The following MACROD1 variants were observed in gnomAD, a reference collection of about 807,000 sequenced individuals.
MACROD1 encodes the protein mono-ADP ribosylhydrolase 1.
MACROD1 carries 31 observed loss-of-function variants against 41.4 expected under a neutral mutation model. The observed-to-expected ratio is 0.75, with a 90% CI of 0.56 to 1.01. The LOEUF is 1.01. Among genes scored for constraint, MACROD1 ranks in the 50% least tolerant of loss-of-function variants. MACROD1 has a pLI of 0.00. For synonymous variants in MACROD1, 252 were observed against 203.4 expected (o/e 1.24, Z -2.03); for missense variants, 473 against 460.0 (o/e 1.03, Z -0.26).
Position 64,157,887 on chromosome 11 carries a change from G to A in MACROD1, c.299-5494C>T, listed in dbSNP as rs568572496. Reference sequence around the variant, plus strand: ...GGTGGCAGGGGCATTAATCACCTGCGCTCACCGGCCCGCAAGAACAGGGTC... The same window carrying A: ...GGTGGCAGGGGCATTAATCACCTGCACTCACCGGCCCGCAAGAACAGGGTC... On this transcript the variant is annotated intron_variant, in intron 1 of 10. Transcript: ENST00000255681. Among the ~76,000 whole-genome samples, 10 of 152,278 alleles carry A rather than the reference G, an allele frequency of 6.6e-5. No individual in the cohort carries two copies. In the East Asian group the frequency reaches 1.4e-3, roughly 21 times the overall value.
At position 64,051,306 on chromosome 11, in the gene MACROD1, A is replaced by T. The variant is rs1943689829; in HGVS notation, c.518-36025T>A. 5.3e-5 allele frequency among the ~76,000 whole-genome samples: 8 copies of T among 152,346 alleles called. No individual in the cohort carries two copies. In the South Asian group the frequency reaches 1.7e-3, roughly 32 times the overall value. ...TCCCTCTTTTGAAGTAGCTCTGGGC[A>T]GACACCTGCCTTGACGGCCCTCTGG... On this transcript the variant is annotated intron_variant, in intron 3 of 10. Transcript: ENST00000255681.
At chr11:64,009,959 C>T (rs1308364510) in intron 4 of MACROD1, among the ~76,000 whole-genome samples, 1 of 152,108 alleles carries the variant, frequency 6.6e-6, no homozygotes, top group African/African-American at 2.4e-5. Context: ...GGGTGTTGGC[C>T]GGGGTGTTGG....
chr11:64,119,868 G>A (rs1339545689), intron 3 of MACROD1, among the ~76,000 whole-genome samples: 1 of 152,232 alleles, frequency 6.6e-6, no homozygotes, highest in African/African-American at 2.4e-5. Flanking sequence ...ACAGCGAATT[G>A]GAGAGGGAGG....
chr11:64,104,255 C>G (rs1944719942), intron 3 of MACROD1: 1 of 152,280 alleles, frequency 6.6e-6, no homozygotes, highest in Non-Finnish European at 1.5e-5. Flanking sequence ...TTCCTCGCAC[C>G]CAGACAGCTG....
At chr11:64,114,158 G>A (rs879889369) in intron 3 of MACROD1, among the ~76,000 whole-genome samples, 4 of 150,658 alleles carry the variant, frequency 2.7e-5, no homozygotes, top group African/African-American at 4.9e-5. Flanking sequence ...ATGAACAAGT[G>A]GATGGATGCA....
chr11:64,022,263 C>T (rs1943167431), intron 3 of MACROD1, among the ~76,000 whole-genome samples: 1 of 152,066 alleles, frequency 6.6e-6, no homozygotes, highest in Non-Finnish European at 1.5e-5. Flanking sequence ...ACTGCAGTGT[C>T]CGGGTGACCC....
At chr11:64,152,488 A>C (rs1398047045) in intron 1 of MACROD1, 95 bp from the exon 2 acceptor site, 3 of 961,720 alleles carry the variant, frequency 3.1e-6, no homozygotes, top group Non-Finnish European at 5.1e-6. Flanking sequence ...CCAAGAATGC[A>C]AACCAGCTCT....
At chr11:64,161,268 T>C (rs1316663244) in intron 1 of MACROD1, among the ~76,000 whole-genome samples, 1 of 152,184 alleles carries the variant, frequency 6.6e-6, no homozygotes, top group Non-Finnish European at 1.5e-5. Context: ...GAGGGAACCA[T>C]TGCCACATCC....
chr11:64,102,636 AC>A (rs1035217056), intron 3 of MACROD1, among the ~76,000 whole-genome samples: 7 of 151,894 alleles, frequency 4.6e-5, no homozygotes, highest in African/African-American at 1.7e-4. Context: ...CAGTCCTTCC[AC>A]CCCCAGGGAG....
At chr11:64,053,793 G>A (rs1244434063) in intron 3 of MACROD1, among the ~76,000 whole-genome samples, 3 of 152,142 alleles carry the variant, frequency 2.0e-5, no homozygotes, top group East Asian at 3.8e-4. Flanking sequence ...GCCCTATAGC[G>A]GCATCCCGAG....
rs575639048 is a variant in MACROD1, at chr11:64,004,161, G to A, written c.548-3818C>T. On this transcript the variant is annotated intron_variant, in intron 4 of 10. Transcript: ENST00000255681. ...TAAAGCCCTGCCTTCCAGCCTCCAC[G>A]GCCAGCATTCAGCCCAGCATCTGTG... 9.8e-5 allele frequency among the ~76,000 whole-genome samples: 15 copies of A among 152,294 alleles called. 1 individual carries two copies. In the East Asian group the frequency reaches 2.9e-3, roughly 29 times the overall value.
chr11:64,101,104 A>C (rs1944662741), intron 3 of MACROD1, among the ~76,000 whole-genome samples: 1 of 152,044 alleles, frequency 6.6e-6, no homozygotes, highest in Non-Finnish European at 1.5e-5. Context: ...CATGGTTCAC[A>C]GGACCACACA....
chr11:63,999,606 C>T (rs771123725), intron 6 of MACROD1, 36 bp downstream of exon 6: 4 of 1,609,398 alleles, frequency 2.5e-6, no homozygotes, highest in African/African-American at 1.3e-5. Flanking sequence ...GTCACTGCGC[C>T]CCGCCTCCCG....
intron 4 of MACROD1, among the ~76,000 whole-genome samples, chr11:64,005,848 G>C (rs748758922): frequency 4.6e-5 from 7 of 152,238 alleles, no homozygotes; most frequent in Non-Finnish European, 1.0e-4. Context: ...TGGGGAGGCA[G>C]AGGTGTGAGC....
At chr11:64,031,750 T>C (rs903896140) in intron 3 of MACROD1, among the ~76,000 whole-genome samples, 4 of 152,202 alleles carry the variant, frequency 2.6e-5, no homozygotes, top group Non-Finnish European at 5.9e-5. Flanking sequence ...AGTGCTGGGA[T>C]TACAGGCGTG....
chr11:64,020,657 C>T (rs899523799), intron 3 of MACROD1, among the ~76,000 whole-genome samples: 2 of 152,056 alleles, frequency 1.3e-5, no homozygotes, highest in Admixed American at 6.5e-5. Flanking sequence ...GTCTCCTGGC[C>T]CCCGGTGATG....
chr11:64,142,978 G>T (rs563525491), intron 3 of MACROD1, among the ~76,000 whole-genome samples: 1 of 152,068 alleles, frequency 6.6e-6, no homozygotes, highest in Admixed American at 6.6e-5. Context: ...TAGCTGGGAG[G>T]GGTGGCATGC....
intron 3 of MACROD1, among the ~76,000 whole-genome samples, chr11:64,030,058 C>T (rs1354956256): frequency 6.6e-6 from 1 of 152,124 alleles, no homozygotes; most frequent in African/African-American, 2.4e-5. Flanking sequence ...CAACCACCCC[C>T]CGGGTGACAC....
chr11:64,151,266 G>A lies in MACROD1; in HGVS notation c.490C>T (p.Leu164=), dbSNP rs754311676. ...GCGTTGACGATGGCGTCCACCTCCA[G>A]CTTGGTGATGTCGCTGCGGAGCAGG... is the stretch of plus-strand genomic sequence containing the variant. ...ISLLRSDITK[L]EVDAIVNAAN... is the part of the protein sequence containing the mutation. Residue 164 remains leucine, a synonymous_variant, in exon 3 of 11, where the codon CTG becomes TTG. Coordinates refer to ENST00000255681, the MANE Select transcript of MACROD1 (RefSeq NM_014067.4). The A allele has an allele frequency of 3.7e-6, 6 of 1,613,782 alleles. No individual in the cohort carries two copies. Among genetic ancestry groups the A allele is most frequent in the Non-Finnish European group, 5.1e-6 (6 of 1,180,014 alleles).
Sources: allele counts gnomAD v4.1 joint callset (sites outside exome capture counted in the v4.1 genomes callset), GRCh38; gene constraint gnomAD v4.1.1; transcripts MANE v1.5; gene names NCBI Gene and HGNC (gene_info 2026-07-23, HGNC 2026-07-21).